BRINP3: variants seen among roughly 807,000 people sequenced by gnomAD.
BRINP3 encodes BMP/retinoic acid-inducible neural-specific protein 3.
BRINP3 carries 19 observed loss-of-function variants against 71.0 expected under a neutral mutation model. The observed-to-expected ratio is 0.27, with a 90% CI of 0.19 to 0.39. The LOEUF (loss-of-function observed/expected upper bound fraction) is 0.39, where lower values mean the gene tolerates loss of function less well. Among genes scored for constraint, BRINP3 ranks in the 10% least tolerant of loss-of-function variants. BRINP3 has a pLI of 1.00. For synonymous variants in BRINP3, 380 were observed against 337.7 expected (o/e 1.13, Z -1.37); for missense variants, 959 against 940.8 (o/e 1.02, Z -0.25).
chr1:190,135,353 A>G (rs532039029), intron 7 of BRINP3, among the ~76,000 whole-genome samples: 8 of 152,124 alleles, frequency 5.3e-5, no homozygotes, highest in African/African-American at 1.9e-4. Context: ...ATTTTCTTCC[A>G]TTTGTTAGTA....
intron 6 of BRINP3, among the ~76,000 whole-genome samples, chr1:190,188,584 T>C (rs1653746847): frequency 6.6e-6 from 1 of 151,868 alleles, no homozygotes; most frequent in Non-Finnish European, 1.5e-5. Context: ...ATTTGTCAAA[T>C]GCACCTTCTG....
intron 6 of BRINP3, among the ~76,000 whole-genome samples, chr1:190,197,348 A>T (rs1338964250): frequency 6.6e-6 from 1 of 152,156 alleles, no homozygotes; most frequent in Admixed American, 6.5e-5. Flanking sequence ...AAAGCCAATC[A>T]TGCCTTCCCA....
At chr1:190,232,682 T>G (rs565719021) in intron 5 of BRINP3, among the ~76,000 whole-genome samples, 1 of 152,138 alleles carries the variant, frequency 6.6e-6, no homozygotes, top group Non-Finnish European at 1.5e-5. Context: ...TCCAGAGAGA[T>G]AGGGGACTGA....
intron 2 of BRINP3, among the ~76,000 whole-genome samples, chr1:190,290,458 A>C (rs1663774517): frequency 6.6e-6 from 1 of 152,102 alleles, no homozygotes; most frequent in South Asian, 2.1e-4. Context: ...TTCAGTTTTC[A>C]TCTTTTATGG....
chr1:190,165,458 TTTTGTGTGTG>T (rs1458589241), intron 6 of BRINP3, among the ~76,000 whole-genome samples: 1 of 106,962 alleles, frequency 9.3e-6, no homozygotes, highest in Non-Finnish European at 1.9e-5. Context: ...TTTTTTTTTT[TTTTGTGTGTG>T]TGTGTGTGTG....
chr1:190,299,363 CTCTT>C (rs1265123627), intron 2 of BRINP3, among the ~76,000 whole-genome samples: 1 of 151,260 alleles, frequency 6.6e-6, no homozygotes, highest in African/African-American at 2.4e-5. Flanking sequence ...GTTTTCCATT[CTCTT>C]TCTCTTTTTT....
At chr1:190,277,809 C>A (rs543198097) in intron 3 of BRINP3, among the ~76,000 whole-genome samples, 33 of 151,622 alleles carry the variant, frequency 2.2e-4, no homozygotes, top group Non-Finnish European at 3.8e-4. Context: ...AAGATTGATT[C>A]TTTCAATTGA....
At chr1:190,455,438 C>T (rs1675920081) in intron 1 of BRINP3, among the ~76,000 whole-genome samples, 1 of 151,802 alleles carries the variant, frequency 6.6e-6, no homozygotes, top group Non-Finnish European at 1.5e-5. Flanking sequence ...TTTAAGAATA[C>T]ATAAATATAT....
chr1:190,121,306 A>G (rs1013945479), intron 7 of BRINP3, among the ~76,000 whole-genome samples: 1 of 152,294 alleles, frequency 6.6e-6, no homozygotes, highest in African/African-American at 2.4e-5. Context: ...AAATATTAAT[A>G]TTAGATATTA....
At chr1:190,195,460 G>C (rs972889359) in intron 6 of BRINP3, among the ~76,000 whole-genome samples, 5 of 151,774 alleles carry the variant, frequency 3.3e-5, no homozygotes, top group Non-Finnish European at 5.9e-5. Flanking sequence ...AATCTTAATA[G>C]GTACCTTAAT....
intron 6 of BRINP3, among the ~76,000 whole-genome samples, chr1:190,165,348 CTA>C (rs917883604): frequency 2.2e-5 from 3 of 137,182 alleles, no homozygotes; most frequent in African/African-American, 8.5e-5. Context: ...AAGCAATAAA[CTA>C]AAAAAAAAAA....
chr1:190,374,096 C>T (rs1483390176), intron 2 of BRINP3, among the ~76,000 whole-genome samples: 2 of 151,730 alleles, frequency 1.3e-5, no homozygotes. Context: ...TATAATTTAC[C>T]TGGAAGAATT....
chr1:190,438,974 G>C (rs1467648043), intron 2 of BRINP3, among the ~76,000 whole-genome samples: 1 of 151,726 alleles, frequency 6.6e-6, no homozygotes, highest in African/African-American at 2.4e-5. Flanking sequence ...TTTCATTTTT[G>C]TCCCCAGTTG....
intron 7 of BRINP3, among the ~76,000 whole-genome samples, chr1:190,141,346 A>G (rs1168314163): frequency 6.6e-5 from 10 of 152,012 alleles, no homozygotes; most frequent in Admixed American, 6.6e-4. Context: ...AGTAGTAAAG[A>G]TAATTTTATG....
At chr1:190,167,415 T>C (rs1651651084) in intron 6 of BRINP3, among the ~76,000 whole-genome samples, 2 of 152,266 alleles carry the variant, frequency 1.3e-5, no homozygotes, top group African/African-American at 4.8e-5. Context: ...TTTGGACCTA[T>C]ATGCCTGCAT....
chr1:190,428,565 T>G (rs967943823), intron 2 of BRINP3, among the ~76,000 whole-genome samples: 1 of 152,100 alleles, frequency 6.6e-6, no homozygotes, highest in African/African-American at 2.4e-5. Flanking sequence ...GCAATCAAGA[T>G]TCTATCTTTA....
In BRINP3 at chr1:190,201,753, T is replaced by A. The variant is rs897778688; in HGVS notation, c.961+24329A>T. ...ACGTGGCTTCAAAAGGTGCAAGCCTTAATCAAGCCTTGCCAGCTTTCCCAT... is the reference window on the plus strand; with the variant it reads ...ACGTGGCTTCAAAAGGTGCAAGCCTAAATCAAGCCTTGCCAGCTTTCCCAT... On this transcript the variant is annotated intron_variant, in intron 6 of 7. Transcript: ENST00000367462. Among the ~76,000 whole-genome samples, 4 of 151,952 alleles carry A rather than the reference T, an allele frequency of 2.6e-5. No homozygotes were observed. In the East Asian group the frequency reaches 7.8e-4, roughly 30 times the overall value.
intron 2 of BRINP3, among the ~76,000 whole-genome samples, chr1:190,327,413 A>C (rs1173232940): frequency 2.1e-5 from 3 of 141,862 alleles, no homozygotes; most frequent in Non-Finnish European, 3.1e-5. Context: ...TATTCAAGAG[A>C]CCCATCTCAC....
At chr1:190,149,708 A>G (rs1054580216) in intron 7 of BRINP3, among the ~76,000 whole-genome samples, 2 of 151,548 alleles carry the variant, frequency 1.3e-5, no homozygotes, top group African/African-American at 4.8e-5. Flanking sequence ...ACTAATGTAC[A>G]TTGTTTTATA....
Sources: allele counts gnomAD v4.1 joint callset (sites outside exome capture counted in the v4.1 genomes callset), GRCh38; gene constraint gnomAD v4.1.1; transcripts MANE v1.5; gene names NCBI Gene and HGNC (gene_info 2026-07-23, HGNC 2026-07-21).